The following KDM4C variants were observed in gnomAD, a reference collection of about 807,000 sequenced individuals.
KDM4C encodes the protein lysine-specific demethylase 4C.
Under a neutral mutation model 129.3 loss-of-function variants are expected in KDM4C, and 81 were observed. The observed-to-expected ratio is 0.63, with a 90% confidence interval of 0.52 to 0.75. The LOEUF (loss-of-function observed/expected upper bound fraction) is 0.75, where lower values mean the gene tolerates loss of function less well. KDM4C is among the 30% of genes least tolerant of loss of function. The probability of loss-of-function intolerance (pLI) is 0.00; values close to 1 mark genes in which losing one functional copy is unlikely to be tolerated. For synonymous variants in KDM4C, 573 were observed against 456.1 expected (o/e 1.26, Z -3.26); for missense variants, 1,457 against 1,304.0 (o/e 1.12, Z -1.81).
At chr9:7,047,995 C>T (rs1369077924) in intron 16 of KDM4C, among the ~76,000 whole-genome samples, 2 of 152,002 alleles carry the variant, frequency 1.3e-5, no homozygotes, top group African/African-American at 4.8e-5. Context: ...AGGTATTTAT[C>T]ATTATTACAT....
At chr9:6,787,205 G>GTCTTAACAAA (rs1255062337) in intron 1 of KDM4C, among the ~76,000 whole-genome samples, 2 of 152,162 alleles carry the variant, frequency 1.3e-5, no homozygotes, top group Non-Finnish European at 2.9e-5. Context: ...AACAATTTCT[G>GTCTTAACAAA]TGCCTCAATT....
chr9:7,062,609 C>T (rs1430896230), intron 17 of KDM4C, among the ~76,000 whole-genome samples: 1 of 151,942 alleles, frequency 6.6e-6, no homozygotes, highest in Non-Finnish European at 1.5e-5. Flanking sequence ...GTCTCAAACT[C>T]CTGGGCTGAA....
intron 1 of KDM4C, among the ~76,000 whole-genome samples, chr9:6,773,261 C>G (rs1822274675): frequency 6.6e-6 from 1 of 152,166 alleles, no homozygotes; most frequent in Non-Finnish European, 1.5e-5. Flanking sequence ...CTCAGCCTTC[C>G]ATTGTGCTGG....
At chr9:7,159,431 G>A (rs779553020) in intron 19 of KDM4C, among the ~76,000 whole-genome samples, 14 of 152,154 alleles carry the variant, frequency 9.2e-5, no homozygotes, top group Non-Finnish European at 1.5e-4. Flanking sequence ...TAGCATTGGT[G>A]GTCTTTACAA....
At chr9:6,805,493 TAG>T (rs1483156438) in intron 2 of KDM4C, 104 bp from the exon 3 acceptor site, 1 of 660,778 alleles carries the variant, frequency 1.5e-6, no homozygotes, top group African/African-American at 1.8e-5. Context: ...ACATTTGTCA[TAG>T]AGATACTGAG....
intron 5 of KDM4C, among the ~76,000 whole-genome samples, chr9:6,854,051 GTTAC>G (rs776099297): frequency 7.9e-5 from 12 of 151,718 alleles, no homozygotes; most frequent in East Asian, 1.9e-4. Flanking sequence ...AGTCATAGTA[GTTAC>G]TTAAAGTCTG....
At chr9:7,054,712 A>C (rs944603950) in intron 17 of KDM4C, among the ~76,000 whole-genome samples, 1 of 152,218 alleles carries the variant, frequency 6.6e-6, no homozygotes, top group Non-Finnish European at 1.5e-5. Flanking sequence ...TGTTTATTGT[A>C]TACATTGATC....
At chr9:7,173,402 C>T (rs900611696) in intron 21 of KDM4C, among the ~76,000 whole-genome samples, 1 of 152,146 alleles carries the variant, frequency 6.6e-6, no homozygotes, top group Admixed American at 6.5e-5. Context: ...GTAGGTCTAG[C>T]CTGGGGAGTG....
At chr9:6,821,876 C>A (rs776682925) in intron 4 of KDM4C, among the ~76,000 whole-genome samples, 1 of 152,186 alleles carries the variant, frequency 6.6e-6, no homozygotes, top group African/African-American at 2.4e-5. Flanking sequence ...CTCAAGTGAT[C>A]TGCCTGTCTT....
chr9:6,875,507 A>G (rs1050417370), intron 5 of KDM4C, among the ~76,000 whole-genome samples: 2 of 152,224 alleles, frequency 1.3e-5, no homozygotes, highest in Non-Finnish European at 2.9e-5. Context: ...ACTATGAAGT[A>G]ATCTTAGAAA....
At chr9:7,009,493 T>C (rs999293081) in intron 12 of KDM4C, among the ~76,000 whole-genome samples, 6 of 152,220 alleles carry the variant, frequency 3.9e-5, no homozygotes, top group Non-Finnish European at 7.3e-5. Context: ...TTGATGCTTT[T>C]TTCCCCCCAT....
chr9:6,991,746 A>C (rs1818785635), intron 12 of KDM4C, among the ~76,000 whole-genome samples: 1 of 152,202 alleles, frequency 6.6e-6, no homozygotes, highest in South Asian at 2.1e-4. Flanking sequence ...GTTAGAAAAC[A>C]AGATCATGGC....
At chr9:7,015,339 C>G (rs1214267598) in intron 14 of KDM4C, among the ~76,000 whole-genome samples, 1 of 152,116 alleles carries the variant, frequency 6.6e-6, no homozygotes, top group African/African-American at 2.4e-5. Flanking sequence ...TTTGCATCAT[C>G]AGCCATCACC....
At chr9:6,832,456 C>T (rs7875118) in intron 4 of KDM4C, among the ~76,000 whole-genome samples, 50,937 of 125,518 alleles carry the variant, frequency 0.41, 11,326 homozygotes, top group East Asian at 0.6. Flanking sequence ...GGTGGAGTCT[C>T]GCTCTGTCAC....
At chr9:7,021,810 C>G (rs1824911166) in intron 15 of KDM4C, among the ~76,000 whole-genome samples, 1 of 152,126 alleles carries the variant, frequency 6.6e-6, no homozygotes, top group African/African-American at 2.4e-5. Context: ...AGTCTGCAGT[C>G]CATTTTGATT....
At position 7,165,816 on chromosome 9, in the gene KDM4C, G is replaced by T. The variant is rs568434960; in HGVS notation, c.2901+459G>T. On this transcript the variant is annotated intron_variant, in intron 20 of 21. Transcript: ENST00000381309. ...TAGACAACAGTGCATTGACATAGAT[G>T]TGGCCAGTTAATGTCACAAGGAGCT... Among the ~76,000 whole-genome samples, 203 of 152,314 alleles carry T rather than the reference G, an allele frequency of 1.3e-3. 1 individual carries two copies. Among genetic ancestry groups the T allele is most frequent in the African/African-American group, 4.7e-3 (197 of 41,576 alleles).
chr9:7,035,889 C>T (rs1440006370), intron 15 of KDM4C, among the ~76,000 whole-genome samples: 1 of 152,094 alleles, frequency 6.6e-6, no homozygotes, highest in Non-Finnish European at 1.5e-5. Flanking sequence ...GTTACTACAG[C>T]TTTGTAGTAT....
intron 1 of KDM4C, among the ~76,000 whole-genome samples, chr9:6,792,138 C>A (rs904726128): frequency 6.6e-6 from 1 of 152,022 alleles, no homozygotes; most frequent in Non-Finnish European, 1.5e-5. Context: ...GTCAGGAGTT[C>A]TAGATCAGCC....
intron 6 of KDM4C, among the ~76,000 whole-genome samples, chr9:6,881,403 T>A (rs138797658): frequency 2.6e-5 from 4 of 152,318 alleles, no homozygotes; most frequent in African/African-American, 9.6e-5. Context: ...AAGTTTTGGA[T>A]AATAGATTAG....
Sources: allele counts gnomAD v4.1 joint callset (sites outside exome capture counted in the v4.1 genomes callset), GRCh38; gene constraint gnomAD v4.1.1; transcripts MANE v1.5; gene names NCBI Gene and HGNC (gene_info 2026-07-23, HGNC 2026-07-21).